ITSN1: variants seen among roughly 807,000 people sequenced by gnomAD.
ITSN1 encodes intersectin 1.
ITSN1 carries 58 observed loss-of-function variants against 239.8 expected under a neutral mutation model. That is an observed-to-expected ratio of 0.24 (90% confidence interval 0.20 to 0.30). The LOEUF is 0.30. ITSN1 is among the 10% of genes least tolerant of loss of function. ITSN1 has a pLI of 1.00. For missense variants in ITSN1, 1,558 were observed against 2,103.3 expected (o/e 0.74, Z 5.07); for synonymous variants, 780 against 770.8 (o/e 1.01, Z -0.20).
intron 34 of ITSN1, among the ~76,000 whole-genome samples, chr21:33,878,434 A>T (rs1984368989): frequency 6.6e-6 from 1 of 152,134 alleles, no homozygotes; most frequent in South Asian, 2.1e-4. Flanking sequence ...TTCTGTATAC[A>T]CATGTGCTTG....
At chr21:33,735,321 G>GA (rs1474551459) in intron 5 of ITSN1, 117 bp downstream of exon 5, 3 of 1,033,868 alleles carry the variant, frequency 2.9e-6, no homozygotes, top group South Asian at 2.7e-5. Context: ...AATTCTGTCT[G>GA]AAAAATGATG....
At chr21:33,869,609 G>A (rs1034842718) in intron 33 of ITSN1, among the ~76,000 whole-genome samples, 1 of 152,216 alleles carries the variant, frequency 6.6e-6, no homozygotes, top group African/African-American at 2.4e-5. Context: ...ACAAAATTAG[G>A]GTTTCAGTGT....
In ITSN1 at chr21:33,895,475, A is replaced by G. The variant is rs142629273; in HGVS notation, c.*7175A>G. 0.01 allele frequency: 1,474 copies of G among 142,804 alleles called. 9 individuals are homozygous for G. Among genetic ancestry groups the G allele is most frequent in the Non-Finnish European group, 0.016 (1,060 of 65,724 alleles). 8.8% of individuals were successfully genotyped at this position (142,804 alleles called of 1,614,324 possible). A position where few individuals can be genotyped will look rare whatever the true frequency, so the allele number is the denominator to read the frequency against. On this transcript the variant is annotated 3_prime_UTR_variant, in exon 40 of 40. Transcript: ENST00000381318. The stretch of plus-strand genomic sequence containing the variant: ...TGCGTGCACGTGTGCGTGTGTGTGC[A>G]TGGGTTTGCGTGCATGCATGTGTGT...
In ITSN1 at chr21:33,772,182, G is replaced by A. The variant is rs751093527; in HGVS notation, c.1164G>A (p.Arg388=). The A allele has an allele frequency of 6.2e-7, 1 of 1,614,132 alleles. No homozygotes were observed. The highest frequency in any genetic ancestry group is 1.7e-5 in the Admixed American group (1 of 60,014). The change falls in exon 12 of 40, where the codon CGG becomes CGA. Residue 388 remains arginine (R), a synonymous_variant. Coordinates refer to ENST00000381318, the MANE Select transcript of ITSN1 (RefSeq NM_003024.3). ...KEQERLAQLE[R]AEQERKERER... ...AGGAGCGCCTGGCCCAGCTGGAGCG[G>A]GCGGAGCAGGAGAGGAAGGAGCGTG...
chr21:33,867,358 C>G, intron 33 of ITSN1, 27 bp downstream of exon 33: 1 of 1,284,700 alleles, frequency 7.8e-7, no homozygotes, highest in South Asian at 1.2e-5. Context: ...CCTTTTCAAG[C>G]AGGGGACGGC....
chr21:33,714,866 T>C (rs867029382), intron 1 of ITSN1, among the ~76,000 whole-genome samples: 1 of 152,182 alleles, frequency 6.6e-6, no homozygotes, highest in Non-Finnish European at 1.5e-5. Context: ...CCTAGCTGTG[T>C]AGTGAAAGAA....
rs1372549841 is a variant in ITSN1 at position 33,721,051 on chromosome 21, G to T, written c.29-127G>T. The T allele has an allele frequency of 6.6e-6, 4 of 609,048 alleles. No homozygotes were observed. The Admixed American group carries it at 8.0e-5, about 12-fold the overall frequency. The allele number at this position is 609,048 out of a possible 1,614,324, so 37.7% of individuals were successfully genotyped here. On this transcript the variant is annotated intron_variant, in intron 2 of 39. Transcript: ENST00000381318. ...TATGCATAACTTCCAAGGACAAGAA[G>T]ATGTGAATTTATCAAGTCTTTATAA...
chr21:33,895,796 AAT>A lies in ITSN1; in HGVS notation c.*7498_*7499del, dbSNP rs1320791219. ...CTGTGCCTTGGAGAGGGAAACAGGA[AAT>A]ACGTTGCTCCACAGTCCTGTCATCC... On this transcript the variant is annotated 3_prime_UTR_variant, in exon 40 of 40. Transcript: ENST00000381318. The A allele has an allele frequency of 6.6e-6, 1 of 152,256 alleles. No individual in the cohort carries two copies. Among genetic ancestry groups the A allele is most frequent in the African/African-American group, 2.4e-5 (1 of 41,418 alleles). 9.4% of individuals were successfully genotyped at this position (152,256 alleles called of 1,614,324 possible). A position where few individuals can be genotyped will look rare whatever the true frequency, so the allele number is the denominator to read the frequency against.
chr21:33,857,250 G>C (rs1979527337), intron 30 of ITSN1, among the ~76,000 whole-genome samples: 1 of 151,094 alleles, frequency 6.6e-6, no homozygotes, highest in South Asian at 2.1e-4. Flanking sequence ...TCTGGAAATG[G>C]GGGGCCATCT....
intron 9 of ITSN1, among the ~76,000 whole-genome samples, chr21:33,762,858 G>A (rs957690249): frequency 6.6e-6 from 1 of 150,754 alleles, no homozygotes; most frequent in African/African-American, 2.4e-5. Flanking sequence ...GAGACAGGGT[G>A]TTGCCATGTT....
intron 29 of ITSN1, among the ~76,000 whole-genome samples, chr21:33,838,988 A>T (rs138138014): frequency 1.3e-5 from 2 of 152,216 alleles, no homozygotes; most frequent in Admixed American, 1.3e-4. Context: ...CATTGATGCC[A>T]CTGTTTGCTA....
At chr21:33,869,952 CT>C (rs1236060391) in intron 33 of ITSN1, among the ~76,000 whole-genome samples, 6 of 152,294 alleles carry the variant, frequency 3.9e-5, no homozygotes, top group African/African-American at 1.4e-4. Flanking sequence ...CCAGTACCTC[CT>C]ATTCTAATCC....
chr21:33,764,264 TA>T (rs897752053), intron 9 of ITSN1, among the ~76,000 whole-genome samples: 1 of 152,194 alleles, frequency 6.6e-6, no homozygotes, highest in Non-Finnish European at 1.5e-5. Context: ...TGCTACACAC[TA>T]AAAAAGATAT....
At chr21:33,802,946 CCT>C (rs2148101092) in intron 20 of ITSN1, among the ~76,000 whole-genome samples, 1 of 152,210 alleles carries the variant, frequency 6.6e-6, no homozygotes, top group Non-Finnish European at 1.5e-5. Context: ...AAGGGTTACC[CCT>C]GTTACATAAA....
intron 11 of ITSN1, among the ~76,000 whole-genome samples, chr21:33,770,560 T>C (rs1248084166): frequency 6.6e-6 from 1 of 152,206 alleles, no homozygotes; most frequent in Non-Finnish European, 1.5e-5. Context: ...CAAAACTCCA[T>C]ATCCATCACT....
chr21:33,689,982 ATAAT>A (rs1302344343), intron 1 of ITSN1, among the ~76,000 whole-genome samples: 1 of 150,110 alleles, frequency 6.7e-6, no homozygotes, highest in East Asian at 1.9e-4. Flanking sequence ...AAAAAAAAAA[ATAAT>A]TAAAAAAAAA....
intron 22 of ITSN1, among the ~76,000 whole-genome samples, chr21:33,816,666 T>C (rs528669546): frequency 1.3e-5 from 2 of 152,186 alleles, no homozygotes; most frequent in South Asian, 2.1e-4. Flanking sequence ...GAGGGCACAG[T>C]TGAAAGGCCA....
rs1216342212 is a variant in ITSN1, at chr21:33,777,467, T to C, written c.1596+2359T>C. Among the ~76,000 whole-genome samples, 3 of 152,218 alleles carry C rather than the reference T, an allele frequency of 2.0e-5. No individual in the cohort carries two copies. In the East Asian group the frequency reaches 5.8e-4, roughly 29 times the overall value. Reference sequence around the variant, plus strand: ...TTCCATGTACATTTTAGAATCAGCTTATCAGTTTTTACAAAAATGCTTGGA... The same window carrying C: ...TTCCATGTACATTTTAGAATCAGCTCATCAGTTTTTACAAAAATGCTTGGA... On this transcript the variant is annotated intron_variant, in intron 14 of 39. Coordinates refer to ENST00000381318, the MANE Select transcript of ITSN1 (RefSeq NM_003024.3).
In ITSN1 at chr21:33,765,960, G is replaced by C. The variant is rs2068693823; in HGVS notation, c.874G>C (p.Gly292Arg). The change falls in exon 10 of 40, where the codon GGC becomes CGC. Residue 292 changes from glycine (G) to arginine (R), a missense_variant. By Grantham distance (125) the Gly-to-Arg change is moderately radical (BLOSUM62 -2). Around this residue, in one of 2 missense-constraint regions of ITSN1, gnomAD observed 982 missense variants for 1,209.9 expected, o/e 0.81. Transcript: ENST00000381318. ...AMHLIDVAMS[G>R]QPLPPVLPPE... ...GCACCTCATTGATGTAGCTATGTCT[G>C]GCCAACCACTGCCACCTGTCCTGCC... is the stretch of plus-strand genomic sequence containing the variant. The C allele has an allele frequency of 6.2e-7, 1 of 1,614,134 alleles. No individual in the cohort carries two copies. The highest frequency in any genetic ancestry group is 2.2e-5 in the East Asian group (1 of 44,888).
Sources: gnomAD v4.1 joint callset for allele counts (sites outside exome capture counted in the v4.1 genomes callset) on GRCh38, gnomAD v4.1.1 for gene constraint, gnomAD v4.1.1 regional missense constraint, MANE v1.5 for transcripts, NCBI Gene and HGNC (gene_info 2026-07-23, HGNC 2026-07-21) for gene names.